ARL13A: variants seen among roughly 807,000 people sequenced by gnomAD.
ARL13A encodes the protein ADP-ribosylation factor-like protein 13A.
ARL13A carries 16 observed loss-of-function variants against 19.1 expected under a neutral mutation model. The observed-to-expected ratio is 0.84, with a 90% CI of 0.57 to 1.27. The LOEUF (loss-of-function observed/expected upper bound fraction) is 1.27. ARL13A is among the 50% of genes most tolerant of loss of function. ARL13A has a pLI of 0.00. For synonymous variants in ARL13A, 69 were observed against 71.3 expected, an observed-to-expected ratio of 0.97 and a Z score of 0.17; for missense variants, 153 against 186.4, an observed-to-expected ratio of 0.82 and a Z score of 1.04.
intron 3 of ARL13A, among the ~76,000 whole-genome samples, chrX:100,980,717 T>C (rs781709891): frequency 2.4e-4 from 27 of 111,849 alleles, no homozygotes; most frequent in African/African-American, 6.5e-4. Context: ...GCCAGCACAA[T>C]ACCAGGTCTT....
chrX:100,988,442 T>C (rs1196693235), intron 7 of ARL13A, 159 bp downstream of exon 7: 2 of 1,197,197 alleles, frequency 1.7e-6, no homozygotes, highest in South Asian at 3.6e-5. Flanking sequence ...GATGAACCCA[T>C]GAAAGAAGGT....
At chrX:100,983,431 A>G (rs1350093175) in intron 3 of ARL13A, among the ~76,000 whole-genome samples, 1 of 110,185 alleles carries the variant, frequency 9.1e-6, no homozygotes. Context: ...ACCTCAGCTC[A>G]CTGCAACCTC....
At chrX:100,990,522 C>T (rs2086002998) in intron 7 of ARL13A, 40 bp from the exon 8 acceptor site, 3 of 1,096,106 alleles carry the variant, frequency 2.7e-6, no homozygotes, top group Non-Finnish European at 2.4e-6. Context: ...AATATCACAT[C>T]CCTGAGAACC....
At chrX:100,970,086 A>G (rs1238345146) in intron 1 of ARL13A, among the ~76,000 whole-genome samples, 1 of 112,602 alleles carries the variant, frequency 8.9e-6, no homozygotes, top group African/African-American at 3.2e-5. Context: ...AATTATTAGG[A>G]AACAGACATG....
chrX:100,986,200 TC>T (rs2085933225), intron 4 of ARL13A, among the ~76,000 whole-genome samples: 1 of 112,033 alleles, frequency 8.9e-6, no homozygotes, highest in Non-Finnish European at 1.9e-5. Context: ...CCTTGACTCT[TC>T]CTGAAGACTA....
At chrX:100,970,539 T>C (rs1213160291) in intron 1 of ARL13A, among the ~76,000 whole-genome samples, 18 of 112,329 alleles carry the variant, frequency 1.6e-4, no homozygotes, top group East Asian at 5.6e-4. Context: ...GGCTTCAACA[T>C]ACAGTCGTCC....
At chrX:100,980,372 C>T (rs761916078) in intron 3 of ARL13A, among the ~76,000 whole-genome samples, 15 of 109,289 alleles carry the variant, frequency 1.4e-4, no homozygotes, top group Non-Finnish European at 2.7e-4. Flanking sequence ...CCACCACAGC[C>T]CCAAGCCCAT....
intron 1 of ARL13A, among the ~76,000 whole-genome samples, chrX:100,972,409 C>A (rs2085670523): frequency 9.9e-6 from 1 of 101,508 alleles, no homozygotes; most frequent in African/African-American, 3.7e-5. Context: ...GGCAGAGGGG[C>A]TCCTCACTTC....
chrX:100,988,189 C>T lies in ARL13A; in HGVS notation c.654-4C>T. 1 of 1,202,624 alleles carries T rather than the reference C, an allele frequency of 8.3e-7. No homozygotes were observed. The highest frequency in any genetic ancestry group is 1.1e-6 in the Non-Finnish European group (1 of 889,535). ...CTACTGCTGTCCTTTCCATCTTCCA[C>T]CAGCTTCTCCACCAGAACAGGAATG... On this transcript the variant is annotated splice_polypyrimidine_tract_variant and splice_region_variant and intron_variant, in intron 6 of 7. Coordinates refer to ENST00000450049, the MANE Select transcript of ARL13A (RefSeq NM_001162491.2).
chrX:100,988,408 A>T, intron 7 of ARL13A, 125 bp downstream of exon 7: 1 of 1,204,854 alleles, frequency 8.3e-7, no homozygotes, highest in Non-Finnish European at 1.1e-6. Flanking sequence ...GTCTAAAAAG[A>T]ATATGTCAGT....
Position 100,990,544 on chromosome X carries a change from T to C in ARL13A, c.745-18T>C, listed in dbSNP as rs1195665025. Reference sequence around the variant, plus strand: ...CATCCCTGAGAACCCCTGTTGTTCCTGTATATCTATATTCTAGCCATCAAA... The same window carrying C: ...CATCCCTGAGAACCCCTGTTGTTCCCGTATATCTATATTCTAGCCATCAAA... On this transcript the variant is annotated intron_variant, in intron 7 of 7. Coordinates refer to ENST00000450049, the MANE Select transcript of ARL13A (RefSeq NM_001162491.2). The C allele has an allele frequency of 8.8e-7, 1 of 1,133,416 alleles. No homozygotes were observed. Among genetic ancestry groups the C allele is most frequent in the Non-Finnish European group, 1.2e-6 (1 of 857,557 alleles). The allele number at this position is 1,133,416 out of a possible 1,213,427, so 93.4% of individuals were successfully genotyped here.
At position 100,987,392 on chromosome X, in the gene ARL13A, G is replaced by A. The variant is rs2085951565; in HGVS notation, c.489G>A (p.Glu163=). ...CCTTCTCTTCTCTTTTGTCACAGGA[G>A]CCATGTTCAGCCATCAGAAACCTTG... ...VKENKCPCRV[E]PCSAIRNLER... The change falls in exon 6 of 8, where the codon GAG becomes GAA. Residue 163 remains glutamate (E), a splice_region_variant and synonymous_variant. Transcript: ENST00000450049. 1.1e-5 allele frequency: 13 copies of A among 1,207,595 alleles called. No individual in the cohort carries two copies. In the East Asian group the frequency reaches 3.9e-4, roughly 36 times the overall value.
rs748313133 is a variant in ARL13A, at chrX:100,974,106, A to C, written c.60-21A>C. 6.1e-6 allele frequency: 7 copies of C among 1,154,452 alleles called. No homozygotes were observed. The Admixed American group carries it at 1.7e-4, about 29-fold the overall frequency. On this transcript the variant is annotated intron_variant, in intron 2 of 7. Coordinates refer to ENST00000450049, the MANE Select transcript of ARL13A (RefSeq NM_001162491.2). ...CTACCTGTTTTAAGACTTTGGGCTC[A>C]TTTTTCTTTTTCATTTCTAGGAATG...
chrX:100,985,793 A>G lies in ARL13A; in HGVS notation c.257A>G (p.Tyr86Cys). Residue 86 changes from tyrosine (Y) to cysteine (C), a missense_variant, in exon 4 of 8, where the codon TAT (tyrosine) becomes TGT (cysteine). Tyr to Cys is a radical substitution (Grantham distance 194). Transcript: ENST00000450049. ...GGCCGGGAAGCATGGCCAAACTACT[A>G]TGCACAGGCCCATGGGCTTGTTTTC... Reference protein sequence around the residue: ...LKGREAWPNYYAQAHGLVFVL... With the variant: ...LKGREAWPNYCAQAHGLVFVL... 8.3e-7 allele frequency: 1 copy of G among 1,211,609 alleles called. No individual in the cohort carries two copies. The highest frequency in any genetic ancestry group is 1.1e-6 in the Non-Finnish European group (1 of 895,429).
chrX:100,983,317 C>T (rs997060653), intron 3 of ARL13A, among the ~76,000 whole-genome samples: 7 of 110,479 alleles, frequency 6.3e-5, no homozygotes, highest in South Asian at 3.9e-4. Context: ...AAGCTTTTCT[C>T]GATGCAGGAA....
In ARL13A at chrX:100,985,884, C is replaced by A; in HGVS notation, c.348C>A (p.Ser116=). ...AGATCATCTTAACACATCTGCTGTCCGATAAAAGAGTGGCAGGGAAACCCA... is the reference window on the plus strand; with the variant it reads ...AGATCATCTTAACACATCTGCTGTCAGATAAAAGAGTGGCAGGGAAACCCA... ...EVKIILTHLL[S]DKRVAGKPIL... The change falls in exon 4 of 8, where the codon TCC becomes TCA. Residue 116 remains serine (S), a synonymous_variant. Transcript: ENST00000450049. The A allele has an allele frequency of 8.3e-7, 1 of 1,207,981 alleles. No individual in the cohort carries two copies. Among genetic ancestry groups the A allele is most frequent in the Non-Finnish European group, 1.1e-6 (1 of 893,894 alleles).
chrX:100,988,475 C>A, intron 7 of ARL13A, 192 bp downstream of exon 7: 5 of 1,189,305 alleles, frequency 4.2e-6, no homozygotes, highest in Non-Finnish European at 5.7e-6. Flanking sequence ...AGAATGAGAG[C>A]TCAGAATACT....
chrX:100,984,205 C>A (rs1166733337), intron 3 of ARL13A, among the ~76,000 whole-genome samples: 1 of 109,878 alleles, frequency 9.1e-6, no homozygotes. Flanking sequence ...CCTCTGTCTC[C>A]AGGGCTCAAG....
At chrX:100,986,398 C>T (rs1409385587) in intron 4 of ARL13A, among the ~76,000 whole-genome samples, 1 of 111,740 alleles carries the variant, frequency 8.9e-6, no homozygotes, top group Non-Finnish European at 1.9e-5. Flanking sequence ...TTCTCATCCC[C>T]GCCCCCATCT....
Sources: gnomAD v4.1 joint callset for allele counts (sites outside exome capture counted in the v4.1 genomes callset) on GRCh38, gnomAD v4.1.1 for gene constraint, MANE v1.5 for transcripts, NCBI Gene and HGNC (gene_info 2026-07-23, HGNC 2026-07-21) for gene names.